The following COL24A1 variants were observed in gnomAD, a reference collection of about 807,000 sequenced individuals.
COL24A1 encodes collagen type XXIV alpha 1 chain, also known as collagen alpha-1(XXIV) chain.
COL24A1 carries 224 observed loss-of-function variants against 253.9 expected under a neutral mutation model. That is an observed-to-expected ratio of 0.88 (90% confidence interval 0.79 to 0.99). The LOEUF (loss-of-function observed/expected upper bound fraction) is 0.99. COL24A1 is among the 50% of genes least tolerant of loss of function. The probability of loss-of-function intolerance (pLI) is 0.00; values close to 1 mark genes in which losing one functional copy is unlikely to be tolerated. For synonymous variants in COL24A1, 685 were observed against 673.7 expected (o/e 1.02, Z -0.26); for missense variants, 2,131 against 2,068.5 (o/e 1.03, Z -0.59).
chr1:86,047,055 A>T (rs1273458597), intron 11 of COL24A1, among the ~76,000 whole-genome samples, 186 bp from the exon 12 acceptor site: 1 of 152,198 alleles, frequency 6.6e-6, no homozygotes, highest in East Asian at 1.9e-4. Flanking sequence ...TTCCTTCTTC[A>T]AAACAAAATT....
At chr1:86,032,747 AT>A (rs1379680148) in intron 13 of COL24A1, among the ~76,000 whole-genome samples, 1 of 152,146 alleles carries the variant, frequency 6.6e-6, no homozygotes, top group Non-Finnish European at 1.5e-5. Context: ...TGACTATTGT[AT>A]TTTAAAGATT....
intron 19 of COL24A1, among the ~76,000 whole-genome samples, chr1:85,994,141 T>C (rs897944851): frequency 2.0e-5 from 3 of 151,858 alleles, no homozygotes; most frequent in African/African-American, 7.2e-5. Context: ...GAGTAGTTTA[T>C]AAGTCTGAAC....
chr1:85,922,375 C>T (rs1686617845), intron 24 of COL24A1, among the ~76,000 whole-genome samples: 1 of 152,064 alleles, frequency 6.6e-6, no homozygotes. Context: ...GTCAGATTCA[C>T]CAAGGTTGAA....
chr1:86,019,100 C>G (rs924703082), intron 18 of COL24A1, among the ~76,000 whole-genome samples: 3 of 152,128 alleles, frequency 2.0e-5, no homozygotes, highest in Non-Finnish European at 2.9e-5. Flanking sequence ...CTTTCCACGA[C>G]AGTAAACAAA....
intron 5 of COL24A1, among the ~76,000 whole-genome samples, chr1:86,108,807 C>CAA (rs369466863): frequency 0.035 from 4,973 of 142,812 alleles, 95 homozygotes; most frequent in Middle Eastern, 0.046. Flanking sequence ...AATTCCGTCT[C>CAA]AAAAAAAAAA....
intron 12 of COL24A1, among the ~76,000 whole-genome samples, chr1:86,039,083 GC>G (rs1699254351): frequency 6.6e-6 from 1 of 152,154 alleles, no homozygotes; most frequent in East Asian, 1.9e-4. Context: ...GGCATGTGAT[GC>G]CAGTGCTAAG....
intron 5 of COL24A1, among the ~76,000 whole-genome samples, chr1:86,101,335 G>C (rs1704435640): frequency 6.6e-6 from 1 of 152,096 alleles, no homozygotes; most frequent in African/African-American, 2.4e-5. Flanking sequence ...CTGCAAACAA[G>C]GATAGTTTGA....
chr1:86,075,410 A>G (rs546420601), intron 7 of COL24A1, among the ~76,000 whole-genome samples: 1 of 152,174 alleles, frequency 6.6e-6, no homozygotes, highest in South Asian at 2.1e-4. Context: ...ATAGCCTACC[A>G]ACTAAAAAAA....
intron 53 of COL24A1, among the ~76,000 whole-genome samples, chr1:85,773,855 C>T (rs941737689): frequency 6.6e-6 from 1 of 152,078 alleles, no homozygotes; most frequent in African/African-American, 2.4e-5. Context: ...ATTTGAATAC[C>T]CTTTATTTCT....
Position 86,015,491 on chromosome 1 carries a change from C to T in COL24A1, c.2310+1660G>A, listed in dbSNP as rs560740121. Among the ~76,000 whole-genome samples the T allele has an allele frequency of 6.0e-4, 91 of 152,140 alleles. 1 individual carries two copies. Among genetic ancestry groups the T allele is most frequent in the Middle Eastern group, 6.8e-3 (2 of 294 alleles). ...ATGGCGCATGCATCCTTTAACCAAG[C>T]TTTATGAGAAAGAAGAAAAATGACT... On this transcript the variant is annotated intron_variant, in intron 19 of 59. Coordinates refer to ENST00000370571, the MANE Select transcript of COL24A1 (RefSeq NM_152890.7).
chr1:86,127,452 A>T (rs1648493412), intron 2 of COL24A1, among the ~76,000 whole-genome samples: 1 of 152,086 alleles, frequency 6.6e-6, no homozygotes, highest in Non-Finnish European at 1.5e-5. Context: ...TTTCAGAATG[A>T]ATGAATTTGT....
At chr1:85,810,790 T>C (rs1672453493) in intron 47 of COL24A1, among the ~76,000 whole-genome samples, 1 of 152,192 alleles carries the variant, frequency 6.6e-6, no homozygotes. Flanking sequence ...AAAAGCTGAA[T>C]AGGTTCCAGC....
At chr1:85,865,686 C>A (rs901875441) in intron 37 of COL24A1, among the ~76,000 whole-genome samples, 2 of 152,106 alleles carry the variant, frequency 1.3e-5, no homozygotes, top group South Asian at 4.1e-4. Flanking sequence ...TCTTAGGATT[C>A]TGCTAGAGAA....
At chr1:85,747,368 C>A (rs1265664694) in intron 55 of COL24A1, among the ~76,000 whole-genome samples, 2 of 152,002 alleles carry the variant, frequency 1.3e-5, no homozygotes, top group Admixed American at 6.5e-5. Context: ...CCCGCCTTGG[C>A]CTCCCAAAGT....
At chr1:85,830,968 C>A (rs989196369) in intron 43 of COL24A1, among the ~76,000 whole-genome samples, 1 of 152,106 alleles carries the variant, frequency 6.6e-6, no homozygotes, top group African/African-American at 2.4e-5. Flanking sequence ...ATTCTTACAG[C>A]AAAGTCAGTT....
chr1:86,044,464 CTT>C (rs1311945148), intron 12 of COL24A1, among the ~76,000 whole-genome samples: 1 of 152,002 alleles, frequency 6.6e-6, no homozygotes, highest in Admixed American at 6.6e-5. Flanking sequence ...ACTAGACAGA[CTT>C]TAAAATAAAC....
intron 12 of COL24A1, among the ~76,000 whole-genome samples, chr1:86,040,079 G>A (rs1292869345): frequency 1.3e-5 from 2 of 152,046 alleles, no homozygotes; most frequent in Non-Finnish European, 2.9e-5. Flanking sequence ...TTCAAGTTCC[G>A]GCCTTGTTCT....
intron 32 of COL24A1, among the ~76,000 whole-genome samples, chr1:85,888,945 C>G (rs1682810057): frequency 1.3e-5 from 2 of 152,064 alleles, no homozygotes; most frequent in South Asian, 4.1e-4. Flanking sequence ...ACATCTGACA[C>G]TATTAACCAG....
intron 19 of COL24A1, among the ~76,000 whole-genome samples, chr1:86,008,635 A>G (rs1278496054): frequency 6.6e-6 from 1 of 152,220 alleles, no homozygotes; most frequent in East Asian, 1.9e-4. Flanking sequence ...TACTAGGGGT[A>G]TTACAATACA....
Sources: allele counts gnomAD v4.1 joint callset (sites outside exome capture counted in the v4.1 genomes callset), GRCh38; gene constraint gnomAD v4.1.1; transcripts MANE v1.5; gene names NCBI Gene and HGNC (gene_info 2026-07-23, HGNC 2026-07-21).